The following CAMK1D variants were observed in gnomAD, a reference collection of about 807,000 sequenced individuals.
CAMK1D encodes calcium/calmodulin-dependent protein kinase type 1D.
CAMK1D carries 9 observed loss-of-function variants against 47.7 expected under a neutral mutation model. The observed-to-expected ratio is 0.19, with a 90% CI of 0.11 to 0.33. The LOEUF (loss-of-function observed/expected upper bound fraction) is 0.33. CAMK1D is among the 10% of genes least tolerant of loss of function. The pLI is 1.00. For synonymous variants in CAMK1D, 184 were observed against 184.9 expected (o/e 0.99, Z 0.04); for missense variants, 291 against 488.7 (o/e 0.60, Z 3.81).
chr10:12,593,402 C>A (rs1156360499), intron 2 of CAMK1D, among the ~76,000 whole-genome samples: 2 of 152,122 alleles, frequency 1.3e-5, no homozygotes, highest in Non-Finnish European at 2.9e-5. Context: ...CCAGCCTGGT[C>A]AACATGGTGA....
intron 1 of CAMK1D, among the ~76,000 whole-genome samples, chr10:12,417,789 G>C (rs539540914): frequency 6.6e-6 from 1 of 150,910 alleles, no homozygotes; most frequent in South Asian, 2.1e-4. Flanking sequence ...CTTTATAACA[G>C]TAATAATTAT....
intron 6 of CAMK1D, among the ~76,000 whole-genome samples, chr10:12,800,057 T>C (rs1375446126): frequency 1.3e-5 from 2 of 152,188 alleles, no homozygotes; most frequent in Non-Finnish European, 2.9e-5. Flanking sequence ...CCCCCTTGCA[T>C]TTTCATCACC....
In CAMK1D at chr10:12,627,634, T is replaced by C. The variant is rs185115821; in HGVS notation, c.225-39102T>C. 5.8e-4 allele frequency among the ~76,000 whole-genome samples: 89 copies of C among 152,368 alleles called. 1 individual carries two copies. The highest frequency in any genetic ancestry group is 1.9e-3 in the African/African-American group (78 of 41,592). Reference sequence around the variant, plus strand: ...TGTTCTAGACTTCATGTAAATGGAATCATAGAGCACATTTTTTTTTGTATC... The same window carrying C: ...TGTTCTAGACTTCATGTAAATGGAACCATAGAGCACATTTTTTTTTGTATC... On this transcript the variant is annotated intron_variant, in intron 2 of 10. Coordinates refer to ENST00000619168, the MANE Select transcript of CAMK1D (RefSeq NM_153498.4).
At chr10:12,665,039 G>A (rs912469636) in intron 2 of CAMK1D, among the ~76,000 whole-genome samples, 9 of 152,162 alleles carry the variant, frequency 5.9e-5, no homozygotes, top group Non-Finnish European at 1.3e-4. Flanking sequence ...GTAGGATCTT[G>A]GTAGTCTCAA....
chr10:12,545,256 A>G (rs1285426403), intron 1 of CAMK1D, among the ~76,000 whole-genome samples: 2 of 2,696 alleles, frequency 7.4e-4, no homozygotes, highest in African/African-American at 9.4e-4. Context: ...CCTGGTCAAC[A>G]TGGTGAAAAC....
At chr10:12,768,693 C>G (rs973903770) in intron 4 of CAMK1D, among the ~76,000 whole-genome samples, 12 of 151,128 alleles carry the variant, frequency 7.9e-5, no homozygotes, top group South Asian at 4.2e-4. Flanking sequence ...TCATCAAGTC[C>G]AGCAGCTCTT....
At chr10:12,557,606 C>T (rs1373126939) in intron 2 of CAMK1D, among the ~76,000 whole-genome samples, 1 of 150,658 alleles carries the variant, frequency 6.6e-6, no homozygotes, top group Admixed American at 6.6e-5. Context: ...ATTTTCATGA[C>T]TAAGTCATTG....
intron 1 of CAMK1D, among the ~76,000 whole-genome samples, chr10:12,513,921 G>A (rs1835112642): frequency 6.6e-6 from 1 of 152,150 alleles, no homozygotes; most frequent in Non-Finnish European, 1.5e-5. Flanking sequence ...GGATGTGGCT[G>A]TATCTCTACA....
chr10:12,686,255 T>G (rs1463995254), intron 3 of CAMK1D, among the ~76,000 whole-genome samples: 1 of 152,184 alleles, frequency 6.6e-6, no homozygotes, highest in Non-Finnish European at 1.5e-5. Context: ...ATGGAACGAT[T>G]GCGAAGATAT....
At chr10:12,771,934 T>C (rs1837057734) in intron 5 of CAMK1D, among the ~76,000 whole-genome samples, 1 of 151,996 alleles carries the variant, frequency 6.6e-6, no homozygotes, top group Non-Finnish European at 1.5e-5. Flanking sequence ...CTTGGGAGGC[T>C]GAGGCAGGAG....
intron 2 of CAMK1D, among the ~76,000 whole-genome samples, chr10:12,662,997 G>A (rs1840320950): frequency 6.6e-6 from 1 of 152,002 alleles, no homozygotes; most frequent in Admixed American, 6.6e-5. Context: ...GTTTTGCTCT[G>A]GTTGCCCAGG....
chr10:12,617,054 T>C (rs1478961432), intron 2 of CAMK1D, among the ~76,000 whole-genome samples: 1 of 152,136 alleles, frequency 6.6e-6, no homozygotes, highest in Non-Finnish European at 1.5e-5. Flanking sequence ...TCTAATCAAC[T>C]AAGCACTTGA....
chr10:12,426,744 G>A (rs185180659), intron 1 of CAMK1D, among the ~76,000 whole-genome samples: 913 of 150,964 alleles, frequency 6.0e-3, no homozygotes, highest in Non-Finnish European at 0.01. Context: ...AGACAGAGTC[G>A]TGCTCTGTCA....
chr10:12,635,788 A>C (rs1839497818), intron 2 of CAMK1D, among the ~76,000 whole-genome samples: 2 of 86,880 alleles, frequency 2.3e-5, no homozygotes, highest in Non-Finnish European at 5.7e-5. Context: ...CTTCCCTTCT[A>C]AAAAAAATGT....
chr10:12,773,512 A>G (rs1837136090), intron 5 of CAMK1D, among the ~76,000 whole-genome samples: 1 of 152,112 alleles, frequency 6.6e-6, no homozygotes, highest in South Asian at 2.1e-4. Flanking sequence ...TATTATTTGT[A>G]TTGTTTTTTC....
intron 1 of CAMK1D, among the ~76,000 whole-genome samples, chr10:12,369,912 C>CGTGACTAAAAGAATAA (rs1837956536): frequency 6.7e-6 from 1 of 150,320 alleles, no homozygotes; most frequent in African/African-American, 2.4e-5. Context: ...GCTGAGATCA[C>CGTGACTAAAAGAATAA]GTCATTGCAC....
At chr10:12,723,272 A>G (rs1379793993) in intron 3 of CAMK1D, among the ~76,000 whole-genome samples, 1 of 152,234 alleles carries the variant, frequency 6.6e-6, no homozygotes, top group Admixed American at 6.5e-5. Context: ...GGAGAATTGT[A>G]GAATTTTTGC....
intron 1 of CAMK1D, among the ~76,000 whole-genome samples, chr10:12,405,907 G>C (rs1425794715): frequency 6.6e-6 from 1 of 152,208 alleles, no homozygotes; most frequent in Non-Finnish European, 1.5e-5. Context: ...GAATTTCAGA[G>C]CACTTAAATG....
intron 4 of CAMK1D, among the ~76,000 whole-genome samples, chr10:12,762,114 C>T (rs969073445): frequency 1.3e-5 from 2 of 152,138 alleles, no homozygotes; most frequent in African/African-American, 4.8e-5. Flanking sequence ...AGGTATCAGA[C>T]ATATCAACTT....
Sources: gnomAD v4.1 joint callset for allele counts (sites outside exome capture counted in the v4.1 genomes callset) on GRCh38, gnomAD v4.1.1 for gene constraint, MANE v1.5 for transcripts, NCBI Gene and HGNC (gene_info 2026-07-23, HGNC 2026-07-21) for gene names.